CASD1: variants seen among roughly 807,000 people sequenced by gnomAD.
CASD1 encodes CAS1 domain sialic acid O acetyltransferase 1, also known as N-acetylneuraminate (7)9-O-acetyltransferase.
A neutral mutation model predicts 100.0 loss-of-function variants in CASD1; 41 were observed. That is an observed-to-expected ratio of 0.41 (90% CI 0.32 to 0.53). The LOEUF is 0.53. Ranked by LOEUF, CASD1 falls within the 20% of genes least tolerant of loss-of-function variation. The pLI, the probability that CASD1 is intolerant of heterozygous loss-of-function variation, is 0.25. For synonymous variants in CASD1, 321 were observed against 315.6 expected (o/e 1.02, Z -0.18); for missense variants, 774 against 948.7 (o/e 0.82, Z 2.42).
chr7:94,591,055 T>C, the CASD1 span, among the ~76,000 whole-genome samples: 1 of 152,208 alleles, frequency 6.6e-6, no homozygotes, highest in Non-Finnish European at 1.5e-5. Context: ...ACGATTATAT[T>C]CGTTTTTATT....
At chr7:94,525,239 T>G (rs1156522348) in intron 3 of CASD1, among the ~76,000 whole-genome samples, 1 of 152,198 alleles carries the variant, frequency 6.6e-6, no homozygotes, top group African/African-American at 2.4e-5. Context: ...ATTGAAAATT[T>G]TTAAAATTGA....
chr7:94,523,509 A>C (rs953058255), intron 3 of CASD1, among the ~76,000 whole-genome samples: 6 of 152,242 alleles, frequency 3.9e-5, no homozygotes, highest in African/African-American at 1.2e-4. Flanking sequence ...AATGTGGAAG[A>C]TCTGTATGCA....
At chr7:94,580,080 A>C in the CASD1 span, among the ~76,000 whole-genome samples, 3 of 152,176 alleles carry the variant, frequency 2.0e-5, no homozygotes, top group Admixed American at 2.0e-4. Flanking sequence ...TCCGAGTCAA[A>C]GCTACCATTT....
the CASD1 span, among the ~76,000 whole-genome samples, chr7:94,571,695 G>A: frequency 6.6e-6 from 1 of 152,100 alleles, no homozygotes; most frequent in South Asian, 2.1e-4. Context: ...GATATGCCTG[G>A]TTTGCTTACA....
chr7:94,606,727 T>A, the CASD1 span, among the ~76,000 whole-genome samples: 2 of 152,122 alleles, frequency 1.3e-5, no homozygotes, highest in African/African-American at 4.8e-5. Context: ...CATAAAAAAT[T>A]AACAAATTTA....
chr7:94,596,469 T>C, the CASD1 span, among the ~76,000 whole-genome samples: 20 of 152,120 alleles, frequency 1.3e-4, no homozygotes, highest in African/African-American at 4.8e-4. Flanking sequence ...CAGCACTGTT[T>C]GTTACATTAT....
At chr7:94,592,105 T>C in the CASD1 span, among the ~76,000 whole-genome samples, 1 of 152,242 alleles carries the variant, frequency 6.6e-6, no homozygotes, top group African/African-American at 2.4e-5. Context: ...CCAAGATGTG[T>C]GCACATAGCT....
the CASD1 span, among the ~76,000 whole-genome samples, chr7:94,633,118 T>G: frequency 7.9e-5 from 12 of 152,064 alleles, no homozygotes; most frequent in Non-Finnish European, 1.6e-4. Flanking sequence ...GGCCTCTCTG[T>G]GTATCGCATG....
chr7:94,530,476 A>G (rs1238949486), intron 5 of CASD1, among the ~76,000 whole-genome samples: 1 of 152,110 alleles, frequency 6.6e-6, no homozygotes, highest in Non-Finnish European at 1.5e-5. Context: ...GATTTATTTT[A>G]TCTATTTTTT....
At chr7:94,530,298 A>AT (rs1233413828) in intron 5 of CASD1, among the ~76,000 whole-genome samples, 1 of 152,138 alleles carries the variant, frequency 6.6e-6, no homozygotes, top group Admixed American at 6.6e-5. Flanking sequence ...TGTATAGCCT[A>AT]TTCAGGGACT....
intron 3 of CASD1, among the ~76,000 whole-genome samples, chr7:94,521,514 T>C (rs1265809503): frequency 6.6e-6 from 1 of 152,132 alleles, no homozygotes; most frequent in African/African-American, 2.4e-5. Flanking sequence ...TTGTGTTTTT[T>C]TAAAACTTAA....
intron 10 of CASD1, among the ~76,000 whole-genome samples, chr7:94,543,183 T>C (rs777477304): frequency 1.2e-4 from 18 of 152,208 alleles, no homozygotes; most frequent in Non-Finnish European, 1.9e-4. Flanking sequence ...GCGTGGATGC[T>C]GTGTAGAACT....
chr7:94,558,391 A>G (rs1179754368), downstream of CASD1, among the ~76,000 whole-genome samples: 1 of 152,190 alleles, frequency 6.6e-6, no homozygotes, highest in Non-Finnish European at 1.5e-5. Flanking sequence ...AGTCTGTTGC[A>G]TAACAGGAGA....
At chr7:94,603,232 C>T in the CASD1 span, 8 of 1,403,106 alleles carry the variant, frequency 5.7e-6, no homozygotes, top group East Asian at 1.6e-4. Context: ...TTTAGTCAAA[C>T]GTTAACTCCA....
chr7:94,589,393 C>T, the CASD1 span: 4 of 155,570 alleles, frequency 2.6e-5, no homozygotes, highest in Non-Finnish European at 5.7e-5. Flanking sequence ...CATCATTTCT[C>T]ACTTGGATCC....
chr7:94,568,760 A>G, the CASD1 span, among the ~76,000 whole-genome samples: 1 of 152,184 alleles, frequency 6.6e-6, no homozygotes, highest in African/African-American at 2.4e-5. Context: ...CATGAATGGG[A>G]TTATTGCCCT....
chr7:94,624,734 C>T, the CASD1 span: 1 of 152,162 alleles, frequency 6.6e-6, no homozygotes, highest in South Asian at 2.1e-4. Context: ...TGATCCTCTA[C>T]TATTTGTTAC....
downstream of CASD1, among the ~76,000 whole-genome samples, chr7:94,557,268 A>G (rs796424728): frequency 7.2e-5 from 11 of 152,194 alleles, no homozygotes; most frequent in East Asian, 3.9e-4. Flanking sequence ...TTTATGTGCT[A>G]CTGATATACC....
chr7:94,614,107 C>CAAAAAAAAAAAAAAA, the CASD1 span, among the ~76,000 whole-genome samples: 4 of 94,958 alleles, frequency 4.2e-5, no homozygotes, highest in East Asian at 3.3e-4. Flanking sequence ...AAATTGAAAT[C>CAAAAAAAAAAAAAAA]AAAAAAAAAA....
Sources: gnomAD v4.1 joint callset for allele counts (sites outside exome capture counted in the v4.1 genomes callset) on GRCh38, gnomAD v4.1.1 for gene constraint, MANE v1.5 for transcripts, NCBI Gene and HGNC (gene_info 2026-07-23, HGNC 2026-07-21) for gene names.